Variants in FGD5 observed in about 807,000 individuals in gnomAD.
The protein encoded by FGD5 is FYVE, RhoGEF and PH domain containing 5.
FGD5 carries 28 observed loss-of-function variants against 133.4 expected under a neutral mutation model. The observed-to-expected ratio is 0.21, with a 90% CI of 0.16 to 0.29. FGD5 has a LOEUF of 0.29. Ranked by LOEUF, FGD5 falls within the 10% of genes least tolerant of loss-of-function variation. FGD5 has a pLI of 1.00. For missense variants in FGD5, 1,858 were observed against 1,895.2 expected (o/e 0.98, Z 0.36); for synonymous variants, 810 against 776.5 (o/e 1.04, Z -0.72).
chr3:14,898,105 T>A lies in FGD5; in HGVS notation c.3066+10T>A. On this transcript the variant is annotated intron_variant, in intron 6 of 19. Transcript: ENST00000285046. ...TGTCCGTGAATTTGAGGTGGGTCCC[T>A]TGGTCCTCTGAGACCCTGCTGTAAG... 3 of 1,613,930 alleles carry A rather than the reference T, an allele frequency of 1.9e-6. No individual in the cohort carries two copies. Among genetic ancestry groups the A allele is most frequent in the Non-Finnish European group, 2.5e-6 (3 of 1,179,862 alleles).
At chr3:14,865,441 A>T (rs2037476168) in intron 2 of FGD5, among the ~76,000 whole-genome samples, 1 of 152,180 alleles carries the variant, frequency 6.6e-6, no homozygotes, top group Non-Finnish European at 1.5e-5. Context: ...AAAGTTACCT[A>T]CCAAGTGCTA....
chr3:14,915,980 C>T (rs2038546471), intron 11 of FGD5, among the ~76,000 whole-genome samples: 1 of 152,120 alleles, frequency 6.6e-6, no homozygotes, highest in Non-Finnish European at 1.5e-5. Flanking sequence ...ATGTTATTGC[C>T]ATGTGGAGAG....
intron 18 of FGD5, among the ~76,000 whole-genome samples, chr3:14,927,301 A>C (rs541948985): frequency 6.6e-6 from 1 of 152,316 alleles, no homozygotes; most frequent in South Asian, 2.1e-4. Flanking sequence ...AACAGTTGTC[A>C]TGGAAGTGAC....
intron 10 of FGD5, among the ~76,000 whole-genome samples, chr3:14,909,449 CAG>C (rs1189856809): frequency 5.9e-5 from 9 of 152,328 alleles, no homozygotes; most frequent in African/African-American, 1.9e-4. Context: ...GAAGGTCAAA[CAG>C]GGAAATGTAT....
At chr3:14,927,044 G>A (rs763647120) in intron 18 of FGD5, among the ~76,000 whole-genome samples, 53 of 152,186 alleles carry the variant, frequency 3.5e-4, no homozygotes, top group Non-Finnish European at 5.6e-4. Context: ...GAAGGTTGCC[G>A]TGTGCCCATT....
chr3:14,916,205 G>A (rs572580958), intron 11 of FGD5, among the ~76,000 whole-genome samples: 8 of 152,332 alleles, frequency 5.3e-5, no homozygotes, highest in African/African-American at 1.7e-4. Context: ...AATGGTGGTG[G>A]TGTCTCCCAT....
At chr3:14,833,120 CCA>C (rs1453016247) in intron 1 of FGD5, among the ~76,000 whole-genome samples, 1 of 152,192 alleles carries the variant, frequency 6.6e-6, no homozygotes, top group African/African-American at 2.4e-5. Context: ...ATGAAGGCAG[CCA>C]CTGAGCCATG....
chr3:14,903,042 G>A (rs1251246131), intron 9 of FGD5, among the ~76,000 whole-genome samples: 1 of 152,196 alleles, frequency 6.6e-6, no homozygotes, highest in African/African-American at 2.4e-5. Flanking sequence ...GCTTGGATTG[G>A]GGAGGAGCTC....
intron 1 of FGD5, among the ~76,000 whole-genome samples, chr3:14,841,231 C>G (rs2036915447): frequency 1.3e-5 from 2 of 152,114 alleles, no homozygotes; most frequent in African/African-American, 4.8e-5. Flanking sequence ...TCAGCCGGGC[C>G]CATCTGAGAT....
intron 2 of FGD5, among the ~76,000 whole-genome samples, chr3:14,867,153 C>T (rs1328570249): frequency 6.6e-6 from 1 of 152,188 alleles, no homozygotes; most frequent in Non-Finnish European, 1.5e-5. Context: ...GGGTGAAAGT[C>T]CCCTCGAACT....
intron 1 of FGD5, among the ~76,000 whole-genome samples, chr3:14,840,245 A>G (rs60839472): frequency 0.016 from 2,380 of 152,118 alleles, 74 homozygotes; most frequent in African/African-American, 0.053. Flanking sequence ...CCTGGGTTCA[A>G]GCGAGTCTGC....
intron 4 of FGD5, among the ~76,000 whole-genome samples, chr3:14,883,546 A>G (rs1450146559): frequency 2.0e-5 from 3 of 152,204 alleles, no homozygotes; most frequent in African/African-American, 4.8e-5. Flanking sequence ...CCATCCGTCC[A>G]TTCCTCATCT....
chr3:14,879,662 C>T (rs1400545597), intron 2 of FGD5, among the ~76,000 whole-genome samples: 1 of 152,178 alleles, frequency 6.6e-6, no homozygotes, highest in Non-Finnish European at 1.5e-5. Context: ...GTTCCTGGTC[C>T]CTGCCCTCCT....
intron 4 of FGD5, among the ~76,000 whole-genome samples, chr3:14,894,029 A>T (rs1189532541): frequency 6.6e-6 from 1 of 152,134 alleles, no homozygotes; most frequent in African/African-American, 2.4e-5. Context: ...AAGTGCTGGG[A>T]TTACAGGTGT....
chr3:14,832,085 G>T (rs1037651864), intron 1 of FGD5, among the ~76,000 whole-genome samples: 2 of 152,090 alleles, frequency 1.3e-5, no homozygotes, highest in African/African-American at 4.8e-5. Context: ...CCCTGACCCC[G>T]CCCTCTGATC....
At position 14,901,073 on chromosome 3, in the gene FGD5, C is replaced by T. The variant is rs1355882787; in HGVS notation, c.3264+12C>T. The T allele has an allele frequency of 4.3e-6, 7 of 1,613,952 alleles. No homozygotes were observed. The highest frequency in any genetic ancestry group is 5.1e-6 in the Non-Finnish European group (6 of 1,179,834). ...GCATGGAGCAAGGGGTGAGTGCGGCCTGGCGGCCCCCTTCCTCAGACACAG... is the reference window on the plus strand; with the variant it reads ...GCATGGAGCAAGGGGTGAGTGCGGCTTGGCGGCCCCCTTCCTCAGACACAG... On this transcript the variant is annotated intron_variant, in intron 9 of 19. Transcript: ENST00000285046.
At chr3:14,879,553 G>A (rs932815967) in intron 2 of FGD5, among the ~76,000 whole-genome samples, 1 of 152,218 alleles carries the variant, frequency 6.6e-6, no homozygotes, top group Non-Finnish European at 1.5e-5. Context: ...TTCCCAAGGG[G>A]AATGAATGTG....
At chr3:14,902,547 C>G (rs2038260499) in intron 9 of FGD5, among the ~76,000 whole-genome samples, 1 of 152,132 alleles carries the variant, frequency 6.6e-6, no homozygotes, top group Non-Finnish European at 1.5e-5. Context: ...GAGGCTGAAT[C>G]AGCTAGGTAT....
In FGD5 at chr3:14,821,010, A is replaced by G. The variant is rs1197600831; in HGVS notation, c.1939A>G (p.Lys647Glu). ...LIESDSPDKY[K>E]KKKSSFKRFL... ...CGAGAGCGACTCCCCGGACAAGTAC[A>G]AGAAGAAGAAGTCATCCTTTAAGCG... is the stretch of plus-strand genomic sequence containing the variant. The change falls in exon 1 of 20, where the codon AAG (lysine) becomes GAG (glutamate). Residue 647 changes from lysine (K) to glutamate (E), a missense_variant. By Grantham distance (56) the Lys-to-Glu change is moderately conservative. Transcript: ENST00000285046. 1.3e-5 allele frequency: 21 copies of G among 1,613,510 alleles called. No homozygotes were observed. Among genetic ancestry groups the G allele is most frequent in the Non-Finnish European group, 1.7e-5 (20 of 1,179,656 alleles).
Sources: gnomAD v4.1 joint callset for allele counts (sites outside exome capture counted in the v4.1 genomes callset) on GRCh38, gnomAD v4.1.1 for gene constraint, MANE v1.5 for transcripts, NCBI Gene and HGNC (gene_info 2026-07-23, HGNC 2026-07-21) for gene names.